KIF6: variants seen among roughly 807,000 people sequenced by gnomAD.
KIF6 encodes the protein kinesin-like protein KIF6.
A neutral mutation model predicts 112.7 loss-of-function variants in KIF6; 106 were observed. The observed-to-expected ratio is 0.94, with a 90% CI of 0.80 to 1.11. KIF6 has a LOEUF of 1.11. Among genes scored for constraint, KIF6 ranks in the 50% least tolerant of loss-of-function variants. The probability of loss-of-function intolerance (pLI) is 0.00; values close to 1 mark genes in which losing one functional copy is unlikely to be tolerated. For synonymous variants in KIF6, 339 were observed against 339.9 expected (o/e 1.00, Z 0.03); for missense variants, 929 against 964.0 (o/e 0.96, Z 0.48).
chr6:39,433,888 G>C (rs911148913), intron 13 of KIF6, among the ~76,000 whole-genome samples: 1 of 152,154 alleles, frequency 6.6e-6, no homozygotes, highest in African/African-American at 2.4e-5. Flanking sequence ...TGCTTGTTCA[G>C]AGCTCATGCG....
chr6:39,343,636 A>C lies in KIF6; in HGVS notation c.2428+73T>G. ...GCAGGAAACTCCCTACTCCCCTCCC[A>C]CCTCACTGTGTGCTCCCCACAAGTG... is the stretch of plus-strand genomic sequence containing the variant. On this transcript the variant is annotated intron_variant, in intron 22 of 22. Transcript: ENST00000287152. This position sits in a 1 kb window ranked among gnomAD's most constrained non-coding sequence, Gnocchi z 4.1. 7.8e-7 allele frequency: 1 copy of C among 1,283,634 alleles called. No homozygotes were observed. 79.5% of individuals were successfully genotyped at this position (1,283,634 alleles called of 1,614,324 possible). A position where few individuals can be genotyped will look rare whatever the true frequency, so the allele number is the denominator to read the frequency against.
chr6:39,669,693 A>G (rs562217441), intron 3 of KIF6, among the ~76,000 whole-genome samples: 1 of 152,366 alleles, frequency 6.6e-6, no homozygotes, highest in South Asian at 2.1e-4. Flanking sequence ...TGTTCCCCGG[A>G]ATAGAATAGA....
chr6:39,570,488 G>A (rs1021313332), intron 10 of KIF6, among the ~76,000 whole-genome samples: 1 of 152,194 alleles, frequency 6.6e-6, no homozygotes, highest in Non-Finnish European at 1.5e-5. Flanking sequence ...GATGAATTCA[G>A]TTGGCAATCC....
chr6:39,702,878 CA>C (rs1788948004), intron 3 of KIF6, among the ~76,000 whole-genome samples: 1 of 97,442 alleles, frequency 1.0e-5, no homozygotes, highest in Non-Finnish European at 2.1e-5. Flanking sequence ...ATTTTATAAA[CA>C]AAAGGAAGAA....
At chr6:39,661,860 A>G (rs1786168509) in intron 3 of KIF6, among the ~76,000 whole-genome samples, 1 of 152,204 alleles carries the variant, frequency 6.6e-6, no homozygotes, top group African/African-American at 2.4e-5. Flanking sequence ...TTTGAAAAAT[A>G]CAAATCAGGT....
chr6:39,586,379 T>C lies in KIF6; in HGVS notation c.872A>G (p.His291Arg), dbSNP rs1005231226. ...GTTTCTATAAGGAATGTGCGAACGG[T>C]GCTTTTCTGAAAGGGCAATGATAAC... ...EQVIIALSEK[H>R]RSHIPYRNSM... The change falls in exon 8 of 23, where the codon CAC (histidine) becomes CGC (arginine). Residue 291 changes from histidine (H) to arginine (R), a missense_variant. Coordinates refer to ENST00000287152, the MANE Select transcript of KIF6 (RefSeq NM_145027.6). 3 of 1,614,078 alleles carry C rather than the reference T, an allele frequency of 1.9e-6. No individual in the cohort carries two copies. The highest frequency in any genetic ancestry group is 1.6e-4 in the Middle Eastern group (1 of 6,062).
At chr6:39,518,140 G>A (rs1488657725) in intron 13 of KIF6, among the ~76,000 whole-genome samples, 2 of 152,222 alleles carry the variant, frequency 1.3e-5, no homozygotes, top group Non-Finnish European at 2.9e-5. Flanking sequence ...GGAACACTAA[G>A]TGTGGAAGGA....
chr6:39,694,348 G>A (rs1245948908), intron 3 of KIF6, among the ~76,000 whole-genome samples: 1 of 151,982 alleles, frequency 6.6e-6, no homozygotes, highest in Non-Finnish European at 1.5e-5. Flanking sequence ...GAAATAAAAG[G>A]CGTCCAAACA....
intron 15 of KIF6, among the ~76,000 whole-genome samples, chr6:39,399,531 G>T (rs1414552702): frequency 6.6e-6 from 1 of 152,228 alleles, no homozygotes; most frequent in Non-Finnish European, 1.5e-5. Flanking sequence ...GTCCCACCTT[G>T]ACTGATGACA....
At chr6:39,543,555 T>C (rs1049726400) in intron 12 of KIF6, among the ~76,000 whole-genome samples, 2 of 152,202 alleles carry the variant, frequency 1.3e-5, no homozygotes, top group African/African-American at 2.4e-5. Flanking sequence ...CTGGGTTTCC[T>C]TTATGTAGAC....
At chr6:39,451,493 G>C (rs1322734031) in intron 13 of KIF6, among the ~76,000 whole-genome samples, 1 of 152,128 alleles carries the variant, frequency 6.6e-6, no homozygotes, top group Admixed American at 6.5e-5. Context: ...CAGTTCTAGA[G>C]GAAAGAACTG....
intron 3 of KIF6, among the ~76,000 whole-genome samples, chr6:39,702,734 A>G (rs1788942241): frequency 6.6e-6 from 1 of 152,222 alleles, no homozygotes; most frequent in South Asian, 2.1e-4. Context: ...AATTCCTTTA[A>G]GAAAGTTAGA....
At chr6:39,511,716 A>G (rs9367017) in intron 13 of KIF6, among the ~76,000 whole-genome samples, 30,224 of 152,152 alleles carry the variant, frequency 0.2, 3,312 homozygotes, top group African/African-American at 0.3. Context: ...TGATAGACTG[A>G]ATTAAGAAAA....
At position 39,357,372 on chromosome 6, in the gene KIF6, T is replaced by C. The variant is rs935419009; in HGVS notation, c.2085A>G (p.Val695=). Residue 695 remains valine (V), a splice_region_variant and synonymous_variant, in exon 19 of 23, where the codon GTA becomes GTG. Coordinates refer to ENST00000287152, the MANE Select transcript of KIF6 (RefSeq NM_145027.6). The stretch of plus-strand genomic sequence containing the variant: ...CGAGTGAATTCACTGCTGGAGAATT[T>C]ACCTGTTGGCCCCAGAAGGAGTTTC... ...WWAEEATNLQ[V]NSPAVNSLDH... is the part of the protein sequence containing the mutation. 1 of 1,608,142 alleles carries C rather than the reference T, an allele frequency of 6.2e-7. No individual in the cohort carries two copies. The highest frequency in any genetic ancestry group is 8.5e-7 in the Non-Finnish European group (1 of 1,174,818).
chr6:39,626,084 T>C (rs1784077261), intron 5 of KIF6, among the ~76,000 whole-genome samples: 1 of 152,040 alleles, frequency 6.6e-6, no homozygotes, highest in Non-Finnish European at 1.5e-5. Flanking sequence ...CCAGCTGAGG[T>C]TGGAGACCAT....
chr6:39,519,405 T>C (rs913795763), intron 13 of KIF6, among the ~76,000 whole-genome samples: 13 of 152,214 alleles, frequency 8.5e-5, no homozygotes, highest in Non-Finnish European at 1.9e-4. Context: ...AATAGGTGGA[T>C]ACAGCAGCAC....
At chr6:39,356,942 C>G in intron 19 of KIF6, among the ~76,000 whole-genome samples, 1 of 152,162 alleles carries the variant, frequency 6.6e-6, no homozygotes, top group Non-Finnish European at 1.5e-5. Context: ...TCCCCCAAAC[C>G]CCCTTCTCCC....
At chr6:39,662,690 A>C (rs1173951549) in intron 3 of KIF6, among the ~76,000 whole-genome samples, 6 of 152,138 alleles carry the variant, frequency 3.9e-5, no homozygotes, top group Non-Finnish European at 8.8e-5. Flanking sequence ...CCTGGGCAAT[A>C]TACTGAGCCC....
intron 6 of KIF6, among the ~76,000 whole-genome samples, chr6:39,600,075 A>T (rs1187997347): frequency 6.6e-6 from 1 of 152,116 alleles, no homozygotes; most frequent in African/African-American, 2.4e-5. Flanking sequence ...GTGTTATTGG[A>T]TGTGCTGTGT....
Sources: allele counts gnomAD v4.1 joint callset (sites outside exome capture counted in the v4.1 genomes callset), GRCh38; gene constraint gnomAD v4.1.1; non-coding constraint Gnocchi (gnomAD v3.1); transcripts MANE v1.5; gene names NCBI Gene and HGNC (gene_info 2026-07-23, HGNC 2026-07-21).